PLCL2: variants seen among roughly 807,000 people sequenced by gnomAD.
PLCL2 encodes inactive phospholipase C-like protein 2.
Under a neutral mutation model 79.6 loss-of-function variants are expected in PLCL2, and 4 were observed. That is an observed-to-expected ratio of 0.05 (90% CI 0.02 to 0.11). The LOEUF is 0.11. PLCL2 is among the 10% of genes least tolerant of loss of function. The pLI, the probability that PLCL2 is intolerant of heterozygous loss-of-function variation, is 1.00. For missense variants in PLCL2, 895 were observed against 1,291.0 expected, an observed-to-expected ratio of 0.69 and a Z score of 4.70; for synonymous variants, 484 against 457.7, an observed-to-expected ratio of 1.06 and a Z score of -0.73.
intron 1 of PLCL2, among the ~76,000 whole-genome samples, chr3:16,921,396 A>G (rs1275540870): frequency 6.6e-6 from 1 of 152,222 alleles, no homozygotes; most frequent in Non-Finnish European, 1.5e-5. Flanking sequence ...TGCTCCAGAC[A>G]CTTTGAGAAA....
At chr3:16,965,420 G>A (rs1427791561) in intron 1 of PLCL2, among the ~76,000 whole-genome samples, 1 of 152,076 alleles carries the variant, frequency 6.6e-6, no homozygotes, top group African/African-American at 2.4e-5. Flanking sequence ...TTTGGTTACT[G>A]TAGCCTTGTA....
intron 1 of PLCL2, among the ~76,000 whole-genome samples, chr3:16,962,891 C>CAT (rs1446739211): frequency 4.6e-5 from 7 of 152,092 alleles, no homozygotes; most frequent in African/African-American, 1.7e-4. Flanking sequence ...TGTACATACA[C>CAT]ACATATGAAT....
At chr3:17,001,641 T>A (rs1391409345) in intron 1 of PLCL2, among the ~76,000 whole-genome samples, 1 of 152,172 alleles carries the variant, frequency 6.6e-6, no homozygotes, top group Admixed American at 6.5e-5. Flanking sequence ...CTTGGTGCCT[T>A]TGTTGAAAAT....
chr3:17,008,823 C>A (rs199939243), intron 1 of PLCL2, among the ~76,000 whole-genome samples: 1 of 151,996 alleles, frequency 6.6e-6, no homozygotes, highest in East Asian at 1.9e-4. Context: ...TTGTTTCTTT[C>A]TTTCTATTTT....
intron 3 of PLCL2, among the ~76,000 whole-genome samples, chr3:17,018,616 T>C (rs2064411768): frequency 6.6e-6 from 1 of 152,208 alleles, no homozygotes; most frequent in Non-Finnish European, 1.5e-5. Flanking sequence ...ATTTATTGCA[T>C]TGGACAGCAT....
intron 5 of PLCL2, among the ~76,000 whole-genome samples, chr3:17,080,110 G>A (rs1320964072): frequency 2.6e-5 from 4 of 152,200 alleles, no homozygotes; most frequent in African/African-American, 7.2e-5. Context: ...CTGATTTGCA[G>A]CTCATGTTCC....
intron 1 of PLCL2, among the ~76,000 whole-genome samples, chr3:16,971,723 C>G (rs961229938): frequency 1.9e-4 from 29 of 152,068 alleles, no homozygotes; most frequent in East Asian, 3.9e-4. Flanking sequence ...CTTTTATTTC[C>G]TTGAGCAGTG....
rs552349028 is a variant in PLCL2, at chr3:16,929,671, T to A, written c.327+44305T>A. Among the ~76,000 whole-genome samples, 13 of 152,290 alleles carry A rather than the reference T, an allele frequency of 8.5e-5. No individual in the cohort carries two copies. The South Asian group carries it at 2.7e-3, about 32-fold the overall frequency. The stretch of plus-strand genomic sequence containing the variant: ...AACTTTCCTCTTTCCCAGTCTCCTG[T>A]ACTGGGCAGGAGGATTTCTCACCAT... On this transcript the variant is annotated intron_variant, in intron 1 of 5. Transcript: ENST00000615277.
At chr3:17,071,390 C>T (rs1179116802) in intron 5 of PLCL2, among the ~76,000 whole-genome samples, 2 of 152,052 alleles carry the variant, frequency 1.3e-5, no homozygotes, top group Non-Finnish European at 2.9e-5. Context: ...TCTATAACTG[C>T]CACACCCAGA....
intron 1 of PLCL2, among the ~76,000 whole-genome samples, chr3:16,986,850 C>T (rs1033938695): frequency 2.6e-5 from 4 of 152,060 alleles, no homozygotes; most frequent in Non-Finnish European, 5.9e-5. Context: ...GACGATAGCC[C>T]GTCAAGTGTA....
At chr3:16,973,112 G>A (rs1232604842) in intron 1 of PLCL2, among the ~76,000 whole-genome samples, 1 of 152,118 alleles carries the variant, frequency 6.6e-6, no homozygotes, top group African/African-American at 2.4e-5. Context: ...TTTTTGTGGT[G>A]ACCAATAAGT....
intron 4 of PLCL2, among the ~76,000 whole-genome samples, chr3:17,050,655 C>T (rs575076046): frequency 3.2e-4 from 48 of 152,072 alleles, no homozygotes; most frequent in African/African-American, 9.2e-4. Flanking sequence ...CAAATTCTGG[C>T]GAGGCTGTGG....
In PLCL2 at chr3:17,059,460, A is replaced by ATATACACTTGTATATATG. The variant is rs2064924660; in HGVS notation, c.3095-8495_3095-8494insATACACTTGTATATATGT. Among the ~76,000 whole-genome samples the ATATACACTTGTATATATG allele has an allele frequency of 2.0e-5, 3 of 151,104 alleles. No individual in the cohort carries two copies. In the South Asian group the frequency reaches 6.3e-4, roughly 32 times the overall value. ...TATATATGTGTGTGTGTGTATATAT[A>ATATACACTTGTATATATG]TGTGTATATGTATTTCTGTATATAT... On this transcript the variant is annotated intron_variant, in intron 4 of 5. Transcript: ENST00000615277.
chr3:17,034,565 C>T (rs1322738954), intron 3 of PLCL2, among the ~76,000 whole-genome samples: 11 of 152,274 alleles, frequency 7.2e-5, no homozygotes, highest in East Asian at 5.8e-4. Context: ...ACTACTGTCA[C>T]GAATTCACCA....
At chr3:17,066,066 T>A (rs574179215) in intron 4 of PLCL2, among the ~76,000 whole-genome samples, 2 of 152,296 alleles carry the variant, frequency 1.3e-5, no homozygotes, top group Admixed American at 1.3e-4. Flanking sequence ...AACGGGTGGA[T>A]CTGAGTCATG....
At chr3:17,019,354 A>C (rs963001786) in intron 3 of PLCL2, among the ~76,000 whole-genome samples, 1 of 152,206 alleles carries the variant, frequency 6.6e-6, no homozygotes, top group East Asian at 1.9e-4. Flanking sequence ...TTGGAGTGAA[A>C]TAGAACTCAG....
chr3:17,049,744 T>A (rs1442458871), intron 4 of PLCL2, among the ~76,000 whole-genome samples: 2 of 152,082 alleles, frequency 1.3e-5, no homozygotes, highest in South Asian at 4.1e-4. Context: ...ATTGTTAAAA[T>A]GTCCATACTA....
At chr3:16,909,242 C>T (rs990249791) in intron 1 of PLCL2, among the ~76,000 whole-genome samples, 20 of 152,202 alleles carry the variant, frequency 1.3e-4, no homozygotes, top group Non-Finnish European at 2.5e-4. Context: ...TTAAAATGTA[C>T]ACTCTCAATA....
chr3:16,953,703 G>A (rs1458150254), intron 1 of PLCL2, among the ~76,000 whole-genome samples: 1 of 152,024 alleles, frequency 6.6e-6, no homozygotes, highest in Non-Finnish European at 1.5e-5. Flanking sequence ...TTACCTGTCT[G>A]AGAAAGGAAT....
Sources: gnomAD v4.1 joint callset for allele counts (sites outside exome capture counted in the v4.1 genomes callset) on GRCh38, gnomAD v4.1.1 for gene constraint, MANE v1.5 for transcripts, NCBI Gene and HGNC (gene_info 2026-07-23, HGNC 2026-07-21) for gene names.